The following SOX5 variants were observed in gnomAD, a reference collection of about 807,000 sequenced individuals.
SOX5 encodes SRY-box transcription factor 5.
Under a neutral mutation model 92.0 loss-of-function variants are expected in SOX5, and 9 were observed. That is an observed-to-expected ratio of 0.10 (90% confidence interval 0.06 to 0.17). The LOEUF (loss-of-function observed/expected upper bound fraction) is 0.17. Among genes scored for constraint, SOX5 ranks in the 10% least tolerant of loss-of-function variants. SOX5 has a pLI of 1.00. For synonymous variants in SOX5, 344 were observed against 336.3 expected (o/e 1.02, Z -0.25); for missense variants, 642 against 944.5 (o/e 0.68, Z 4.20).
chr12:24,140,241 G>A lies in SOX5; in HGVS notation c.-2+73102C>T, dbSNP rs140763005. ...ACCGTCAAAGATAGGAAGCTATGGGGGTAAGGGAGGGGTGGTGGTGTTAGT... is the reference window on the plus strand; with the variant it reads ...ACCGTCAAAGATAGGAAGCTATGGGAGTAAGGGAGGGGTGGTGGTGTTAGT... On this transcript the variant is annotated intron_variant, in intron 4 of 4. Coordinates refer to the SOX5 transcript ENST00000446891. Among the ~76,000 whole-genome samples the A allele has an allele frequency of 3.3e-4, 50 of 152,198 alleles. No homozygotes were observed. In the South Asian group the frequency reaches 6.0e-3, roughly 18 times the overall value.
chr12:23,899,513 A>G (rs1447209711), intron 1 of SOX5, among the ~76,000 whole-genome samples: 13 of 152,172 alleles, frequency 8.5e-5, no homozygotes, highest in Non-Finnish European at 1.5e-5. Context: ...CAATGTGAGC[A>G]TCTAGGCTGG....
Position 23,998,283 on chromosome 12 carries a change from T to C in SOX5, c.-1-102259A>G, listed in dbSNP as rs535011037. On this transcript the variant is annotated intron_variant, in intron 4 of 4. Transcript: ENST00000446891. The stretch of plus-strand genomic sequence containing the variant: ...AAATAAAATTCTAAAGTTGAAAAAA[T>C]ACAGTAACTGAAATGAAAATTTTAC... Among the ~76,000 whole-genome samples the C allele has an allele frequency of 2.6e-5, 4 of 152,002 alleles. No individual in the cohort carries two copies. The South Asian group carries it at 8.3e-4, about 32-fold the overall frequency.
rs774555498 is a variant in SOX5 at position 24,120,794 on chromosome 12, G to T, written c.-2+92549C>A. ...CCTGATCTGATCATGGTTGTGTTTTGTTTAGTCTTGATTGATTTATCCACC... is the reference window on the plus strand; with the variant it reads ...CCTGATCTGATCATGGTTGTGTTTTTTTTAGTCTTGATTGATTTATCCACC... On this transcript the variant is annotated intron_variant, in intron 4 of 4. Transcript: ENST00000446891. 1.8e-4 allele frequency among the ~76,000 whole-genome samples: 28 copies of T among 152,180 alleles called. 1 individual carries two copies. Among genetic ancestry groups the T allele is most frequent in the Non-Finnish European group, 3.4e-4 (23 of 68,012 alleles).
intron 6 of SOX5, among the ~76,000 whole-genome samples, chr12:23,680,136 G>A (rs2086346592): frequency 6.6e-6 from 1 of 151,498 alleles, no homozygotes; most frequent in Admixed American, 6.6e-5. Flanking sequence ...GAGCAGCCTG[G>A]GCAACACAGC....
At chr12:24,426,070 C>T (rs1966711910) in intron 1 of SOX5, among the ~76,000 whole-genome samples, 1 of 152,154 alleles carries the variant, frequency 6.6e-6, no homozygotes, top group Non-Finnish European at 1.5e-5. Context: ...CACAGTGGCT[C>T]GTGCCTGTAA....
intron 6 of SOX5, among the ~76,000 whole-genome samples, chr12:23,732,942 G>A (rs910727970): frequency 2.0e-5 from 3 of 152,068 alleles, no homozygotes; most frequent in Admixed American, 2.0e-4. Flanking sequence ...ATAAATTACA[G>A]TGCTTCATGC....
In SOX5 at chr12:24,469,344, G is replaced by A. The variant is rs115424058; in HGVS notation, c.-251+92985C>T. ...CGTGGCCAAGTTCCTAACAGACCACGGACCAGTACCGGGTGTTGGGGACCT... is the reference window on the plus strand; with the variant it reads ...CGTGGCCAAGTTCCTAACAGACCACAGACCAGTACCGGGTGTTGGGGACCT... On this transcript the variant is annotated intron_variant, in intron 1 of 4. Coordinates refer to the SOX5 transcript ENST00000446891. Among the ~76,000 whole-genome samples, 217 of 152,226 alleles carry A rather than the reference G, an allele frequency of 1.4e-3. 2 individuals are homozygous for A. The highest frequency in any genetic ancestry group is 3.8e-3 in the African/African-American group (156 of 41,550).
chr12:23,604,318 C>T, intron 9 of SOX5, 69 bp downstream of exon 9: 1 of 1,545,558 alleles, frequency 6.5e-7, no homozygotes, highest in Non-Finnish European at 8.9e-7. Context: ...ATACAATAGA[C>T]ATTTAATAAA....
chr12:24,262,966 A>G lies in SOX5; in HGVS notation c.-77+14250T>C, dbSNP rs141874060. On this transcript the variant is annotated intron_variant, in intron 3 of 4. Coordinates refer to the SOX5 transcript ENST00000446891. ...GCTGCGCGCAGTGGCTCATGCCTGT[A>G]ATCCCAGCACTCTGGGAGGCTGAGG... Among the ~76,000 whole-genome samples, 735 of 152,310 alleles carry G rather than the reference A, an allele frequency of 4.8e-3. 11 individuals carry two copies. Among genetic ancestry groups the G allele is most frequent in the African/African-American group, 0.017 (701 of 41,564 alleles).
At chr12:24,288,123 A>G (rs1159230451) in intron 2 of SOX5, among the ~76,000 whole-genome samples, 1 of 152,174 alleles carries the variant, frequency 6.6e-6, no homozygotes, top group African/African-American at 2.4e-5. Context: ...ACTGAGGGTG[A>G]TTATGTCCCT....
At chr12:23,737,690 A>G (rs1301815499) in intron 5 of SOX5, among the ~76,000 whole-genome samples, 1 of 152,026 alleles carries the variant, frequency 6.6e-6, no homozygotes, top group African/African-American at 2.4e-5. Context: ...CTCATCCCCT[A>G]TCACCTCATG....
intron 8 of SOX5, among the ~76,000 whole-genome samples, chr12:23,614,860 G>A (rs1176943111): frequency 1.3e-5 from 2 of 152,166 alleles, no homozygotes; most frequent in Non-Finnish European, 2.9e-5. Flanking sequence ...GGAGTGCAAT[G>A]GCACAATCTT....
intron 4 of SOX5, among the ~76,000 whole-genome samples, chr12:24,017,555 G>A (rs938159277): frequency 4.6e-5 from 7 of 151,894 alleles, no homozygotes; most frequent in Admixed American, 1.3e-4. Context: ...AGCCAAGATC[G>A]CGCCCCTGCA....
chr12:23,646,681 C>T (rs940547698), intron 7 of SOX5, among the ~76,000 whole-genome samples: 2 of 152,216 alleles, frequency 1.3e-5, no homozygotes, highest in Non-Finnish European at 2.9e-5. Flanking sequence ...ATAATGCTCA[C>T]ATAATCTTCA....
intron 8 of SOX5, among the ~76,000 whole-genome samples, chr12:23,634,116 A>G (rs1321678421): frequency 6.6e-6 from 1 of 152,110 alleles, no homozygotes; most frequent in Non-Finnish European, 1.5e-5. Context: ...AAAAATTCTT[A>G]TGACCATTAG....
At chr12:24,307,464 AG>A (rs1257424326) in intron 2 of SOX5, among the ~76,000 whole-genome samples, 719 of 17,862 alleles carry the variant, frequency 0.04, 16 homozygotes, top group East Asian at 0.34. Flanking sequence ...GAAGGAAGGA[AG>A]GAAGGAAGGA....
chr12:23,721,650 T>C (rs1232634810), intron 6 of SOX5, among the ~76,000 whole-genome samples: 1 of 152,220 alleles, frequency 6.6e-6, no homozygotes, highest in Non-Finnish European at 1.5e-5. Flanking sequence ...CTCAAATGAC[T>C]ATCTTTGAGT....
At chr12:24,192,041 A>C (rs1217691790) in intron 4 of SOX5, among the ~76,000 whole-genome samples, 2 of 152,240 alleles carry the variant, frequency 1.3e-5, no homozygotes, top group Non-Finnish European at 2.9e-5. Flanking sequence ...TTCTAGCTTA[A>C]AGTTTACTTT....
At chr12:24,293,579 C>T (rs555893423) in intron 2 of SOX5, among the ~76,000 whole-genome samples, 5 of 151,488 alleles carry the variant, frequency 3.3e-5, no homozygotes, top group South Asian at 4.2e-4. Context: ...ACTGGTTATG[C>T]AGTTTATAAA....
Sources: gnomAD v4.1 joint callset for allele counts (sites outside exome capture counted in the v4.1 genomes callset) on GRCh38, gnomAD v4.1.1 for gene constraint, MANE v1.5 for transcripts, NCBI Gene and HGNC (gene_info 2026-07-23, HGNC 2026-07-21) for gene names.